The following CHSY3 variants were observed in gnomAD, a reference collection of about 807,000 sequenced individuals.
CHSY3 encodes chondroitin sulfate synthase 3, also known as N-acetylgalactosaminyl-proteoglycan 3-beta-glucuronosyltransferase 3.
CHSY3 carries 35 observed loss-of-function variants against 67.2 expected under a neutral mutation model. The ratio of observed to expected loss-of-function variants is 0.52; its 90% CI spans 0.40 to 0.69. The LOEUF is 0.69. Ranked by LOEUF, CHSY3 falls within the 30% of genes least tolerant of loss-of-function variation. CHSY3 has a pLI of 0.00. For synonymous variants in CHSY3, 474 were observed against 434.7 expected (o/e 1.09, Z -1.12); for missense variants, 1,069 against 1,138.5 (o/e 0.94, Z 0.88).
intron 2 of CHSY3, among the ~76,000 whole-genome samples, chr5:130,139,528 T>C (rs969936648): frequency 2.0e-5 from 3 of 152,190 alleles, no homozygotes; most frequent in Non-Finnish European, 4.4e-5. Flanking sequence ...AGCAATTTTT[T>C]GAGAATAGGA....
intron 2 of CHSY3, among the ~76,000 whole-genome samples, chr5:129,990,768 G>C (rs993674713): frequency 6.6e-6 from 1 of 152,040 alleles, no homozygotes; most frequent in African/African-American, 2.4e-5. Context: ...CCCTAGGTTA[G>C]AATCTGAGAG....
At chr5:130,140,246 A>G (rs182271886) in intron 2 of CHSY3, 1 of 306,258 alleles carries the variant, frequency 3.3e-6, no homozygotes, top group Admixed American at 5.3e-5. Flanking sequence ...GATGCCAAAT[A>G]TCTGACTGGA....
chr5:130,004,417 T>C (rs533582513), intron 2 of CHSY3, among the ~76,000 whole-genome samples: 12 of 152,218 alleles, frequency 7.9e-5, no homozygotes, highest in Admixed American at 2.0e-4. Context: ...TTAAACCATC[T>C]AGAATTAGAA....
At chr5:130,174,413 TCA>T (rs148310115) in intron 2 of CHSY3, among the ~76,000 whole-genome samples, 6,055 of 152,196 alleles carry the variant, frequency 0.04, 342 homozygotes, top group East Asian at 0.25. Flanking sequence ...CCAAAGATTT[TCA>T]CAGACAGCTT....
chr5:129,915,931 C>T (rs1760717009), intron 2 of CHSY3, among the ~76,000 whole-genome samples: 1 of 152,142 alleles, frequency 6.6e-6, no homozygotes, highest in South Asian at 2.1e-4. Flanking sequence ...TGTAGCAGAT[C>T]ACATCCTTAG....
intron 2 of CHSY3, among the ~76,000 whole-genome samples, chr5:129,960,162 G>A (rs1040616232): frequency 6.6e-6 from 1 of 152,032 alleles, no homozygotes; most frequent in Non-Finnish European, 1.5e-5. Flanking sequence ...GATGCTCTTT[G>A]TGGGCTTTAC....
intron 2 of CHSY3, among the ~76,000 whole-genome samples, chr5:129,912,903 C>T (rs1410354470): frequency 6.6e-6 from 1 of 152,160 alleles, no homozygotes; most frequent in African/African-American, 2.4e-5. Context: ...TGTTAATAAC[C>T]AACAGACTTC....
intron 2 of CHSY3, among the ~76,000 whole-genome samples, chr5:130,006,370 G>T (rs1763873932): frequency 2.0e-5 from 3 of 152,130 alleles, no homozygotes; most frequent in South Asian, 4.1e-4. Context: ...AGGCTAAAGT[G>T]TTTGTATTAT....
intron 2 of CHSY3, among the ~76,000 whole-genome samples, chr5:130,143,754 A>G (rs1246960490): frequency 7.8e-5 from 9 of 115,440 alleles, no homozygotes; most frequent in African/African-American, 2.0e-4. Context: ...ATATATATAT[A>G]TATGTGTGTG....
At chr5:130,169,744 C>T (rs1198339346) in intron 2 of CHSY3, among the ~76,000 whole-genome samples, 3 of 150,468 alleles carry the variant, frequency 2.0e-5, no homozygotes, top group African/African-American at 7.3e-5. Context: ...TGCTTTAGCA[C>T]ATTAGTTAAA....
intron 2 of CHSY3, among the ~76,000 whole-genome samples, chr5:129,942,914 C>A (rs1761740969): frequency 6.6e-6 from 1 of 151,990 alleles, no homozygotes; most frequent in African/African-American, 2.4e-5. Context: ...TGCCTTCAAC[C>A]AAAATTCTTC....
intron 2 of CHSY3, among the ~76,000 whole-genome samples, chr5:129,966,810 A>G (rs1209831678): frequency 5.3e-5 from 8 of 151,876 alleles, no homozygotes; most frequent in Non-Finnish European, 7.4e-5. Flanking sequence ...AGGGAATGAA[A>G]AAAGTCACTA....
intron 2 of CHSY3, among the ~76,000 whole-genome samples, chr5:130,079,813 G>A (rs1376198510): frequency 1.3e-5 from 2 of 152,008 alleles, no homozygotes; most frequent in African/African-American, 4.8e-5. Flanking sequence ...TTATTTTAAT[G>A]TACTTTTTCA....
chr5:129,952,690 T>C (rs1031764842), intron 2 of CHSY3, among the ~76,000 whole-genome samples: 2 of 152,226 alleles, frequency 1.3e-5, no homozygotes, highest in African/African-American at 4.8e-5. Flanking sequence ...AATTATTAGA[T>C]GTCTTTTGCA....
At chr5:130,033,243 T>C (rs1245995069) in intron 2 of CHSY3, among the ~76,000 whole-genome samples, 5 of 152,200 alleles carry the variant, frequency 3.3e-5, no homozygotes, top group Non-Finnish European at 1.5e-5. Flanking sequence ...TTTTAATTAG[T>C]TACAGTCTAG....
At chr5:129,982,824 T>C (rs1032141132) in intron 2 of CHSY3, among the ~76,000 whole-genome samples, 8 of 152,120 alleles carry the variant, frequency 5.3e-5, no homozygotes, top group African/African-American at 1.9e-4. Context: ...TTTCACTTGT[T>C]AATTATGTCT....
At chr5:130,125,355 T>G (rs2149710933) in intron 2 of CHSY3, among the ~76,000 whole-genome samples, 1 of 152,216 alleles carries the variant, frequency 6.6e-6, no homozygotes, top group South Asian at 2.1e-4. Flanking sequence ...AAATTGAGGC[T>G]GCAGCGAGCT....
intron 2 of CHSY3, among the ~76,000 whole-genome samples, chr5:130,024,794 A>C (rs185854863): frequency 1.6e-4 from 25 of 152,286 alleles, no homozygotes; most frequent in Admixed American, 1.6e-3. Context: ...CCCTAATGTC[A>C]CTTTGTAAAC....
At chr5:129,981,989 A>G (rs1235184665) in intron 2 of CHSY3, among the ~76,000 whole-genome samples, 1 of 152,174 alleles carries the variant, frequency 6.6e-6, no homozygotes, top group East Asian at 1.9e-4. Flanking sequence ...TTGATGTGCT[A>G]GATTACATGA....
Sources: gnomAD v4.1 joint callset for allele counts (sites outside exome capture counted in the v4.1 genomes callset) on GRCh38, gnomAD v4.1.1 for gene constraint, MANE v1.5 for transcripts, NCBI Gene and HGNC (gene_info 2026-07-23, HGNC 2026-07-21) for gene names.